The following EIF4A2 variants were observed in gnomAD, a reference collection of about 807,000 sequenced individuals.
The protein encoded by EIF4A2 is eukaryotic translation initiation factor 4A2, also known as eukaryotic initiation factor 4A-II.
A neutral mutation model predicts 50.6 loss-of-function variants in EIF4A2; 9 were observed. The observed-to-expected ratio is 0.18, with a 90% CI of 0.11 to 0.31. The LOEUF (loss-of-function observed/expected upper bound fraction) is 0.31, where lower values mean the gene tolerates loss of function less well. Ranked by LOEUF, EIF4A2 falls within the 10% of genes least tolerant of loss-of-function variation. The probability of loss-of-function intolerance (pLI) is 1.00; values close to 1 mark genes in which losing one functional copy is unlikely to be tolerated. For synonymous variants in EIF4A2, 215 were observed against 164.4 expected (o/e 1.31, Z -2.35); for missense variants, 182 against 501.8 (o/e 0.36, Z 6.09).
intron 1 of EIF4A2, 129 bp downstream of exon 1, chr3:186,783,768 C>T: frequency 1.4e-6 from 2 of 1,459,180 alleles, no homozygotes; most frequent in South Asian, 1.2e-5. Flanking sequence ...CACTCCTGTG[C>T]CCTTCCAGAA....
chr3:186,783,793 T>C, intron 1 of EIF4A2, 154 bp downstream of exon 1: 1 of 1,241,158 alleles, frequency 8.1e-7, no homozygotes, highest in Non-Finnish European at 1.2e-6. Flanking sequence ...CCATGATGGG[T>C]AGGGCCCGGA....
chr3:186,783,982 C>T (rs965538238), intron 1 of EIF4A2: 4 of 421,542 alleles, frequency 9.5e-6, no homozygotes, highest in Non-Finnish European at 1.7e-5. Context: ...GCTTTATTTT[C>T]GGTCATCCAC....
chr3:186,784,403 G>C, intron 1 of EIF4A2, 29 bp from the exon 2 acceptor site: 1 of 1,614,230 alleles, frequency 6.2e-7, no homozygotes, highest in South Asian at 1.1e-5. Context: ...CCTGGAAGGG[G>C]TGTCTGACTG....
At chr3:186,786,111 A>T in intron 5 of EIF4A2, 53 bp from the exon 6 acceptor site, 1 of 1,601,534 alleles carries the variant, frequency 6.2e-7, no homozygotes, top group South Asian at 1.1e-5. Context: ...TGAAAAGTCA[A>T]ATTGTATCAC....
chr3:186,786,639 G>A lies in EIF4A2; in HGVS notation c.765G>A (p.Glu255=). Residue 255 remains glutamate, a synonymous_variant, in exon 7 of 11, where the codon GAG becomes GAA. Coordinates refer to ENST00000323963, the MANE Select transcript of EIF4A2 (RefSeq NM_001967.4). ...TCAAACAGTTTTATATTAATGTTGA[G>A]AGAGAGGTAACTGTCTGATTGTTAG... ...EGIKQFYINV[E]REEWKLDTLC... The A allele has an allele frequency of 6.2e-7, 1 of 1,613,962 alleles. No individual in the cohort carries two copies. Among genetic ancestry groups the A allele is most frequent in the Non-Finnish European group, 8.5e-7 (1 of 1,179,906 alleles).
At chr3:186,784,260 C>G (rs1307354505) in intron 1 of EIF4A2, 172 bp from the exon 2 acceptor site, 1 of 931,338 alleles carries the variant, frequency 1.1e-6, no homozygotes, top group East Asian at 2.6e-5. Flanking sequence ...CGGGCATCCG[C>G]AGGCCCCAAC....
rs1721780557 is a variant in EIF4A2 at position 186,787,171 on chromosome 3, C to G, written c.816C>G (p.Thr272=). ...DTLCDLYETL[T]ITQAVIFLNT... is the part of the protein sequence containing the mutation. ...TTTGTGACTTGTACGAGACACTGAC[C>G]ATTACACAGGCTGTTATTTTTCTCA... Residue 272 remains threonine (T), a synonymous_variant, in exon 8 of 11, where the codon ACC becomes ACG. Coordinates refer to ENST00000323963, the MANE Select transcript of EIF4A2 (RefSeq NM_001967.4). 3 of 1,613,904 alleles carry G rather than the reference C, an allele frequency of 1.9e-6. No individual in the cohort carries two copies. The highest frequency in any genetic ancestry group is 2.7e-5 in the African/African-American group (2 of 74,898).
intron 1 of EIF4A2, chr3:186,784,043 C>T (rs1721533465): frequency 2.4e-6 from 1 of 417,326 alleles, no homozygotes; most frequent in South Asian, 2.9e-5. Context: ...TTGGAGGCAG[C>T]GGTCTCCACT....
intron 1 of EIF4A2, chr3:186,783,960 C>G (rs1008047400): frequency 2.6e-5 from 12 of 455,572 alleles, no homozygotes; most frequent in Admixed American, 1.1e-4. Flanking sequence ...TACACTGTAA[C>G]CAGGACCCGA....
intron 10 of EIF4A2, 120 bp from the exon 11 acceptor site, chr3:186,789,005 A>C: frequency 7.2e-7 from 1 of 1,380,896 alleles, no homozygotes; most frequent in Non-Finnish European, 9.7e-7. Context: ...TGCTCCAGTT[A>C]GAAGCACGAA....
rs1207509690 is a variant in EIF4A2 at position 186,789,884 on chromosome 3, A to ATATTC, written c.*616_*620dup. 2 of 830,492 alleles carry ATATTC rather than the reference A, an allele frequency of 2.4e-6. No individual in the cohort carries two copies. Among genetic ancestry groups the ATATTC allele is most frequent in the African/African-American group, 1.7e-5 (1 of 58,468 alleles). 51.4% of individuals were successfully genotyped at this position (830,492 alleles called of 1,614,324 possible). Reference sequence around the variant, plus strand: ...GAAGTTTGAATGTTAAATAAATTGTATATTCACTTTAAAGGTGCTTTTGGT... The same window carrying ATATTC: ...GAAGTTTGAATGTTAAATAAATTGTATATTCTATTCACTTTAAAGGTGCTTTTGGT... On this transcript the variant is annotated 3_prime_UTR_variant, in exon 11 of 11. Transcript: ENST00000323963.
Position 186,787,480 on chromosome 3 carries a change from T to C in EIF4A2, c.910-15T>C, listed in dbSNP as rs1721808567. 6.2e-7 allele frequency: 1 copy of C among 1,611,808 alleles called. No individual in the cohort carries two copies. The highest frequency in any genetic ancestry group is 8.5e-7 in the Non-Finnish European group (1 of 1,178,642). On this transcript the variant is annotated splice_polypyrimidine_tract_variant and intron_variant, in intron 8 of 10. Coordinates refer to ENST00000323963, the MANE Select transcript of EIF4A2 (RefSeq NM_001967.4). The stretch of plus-strand genomic sequence containing the variant: ...CTGACTGGTGATTCTTGAATTAAGG[T>C]TTATTAATTTGCAGCATGGTGACAT...
chr3:186,783,797 G>A, intron 1 of EIF4A2, 158 bp downstream of exon 1: 1 of 1,208,280 alleles, frequency 8.3e-7, no homozygotes, highest in Non-Finnish European at 1.2e-6. Context: ...GATGGGTAGG[G>A]CCCGGATTGT....
chr3:186,784,145 G>A (rs1428254271), intron 1 of EIF4A2: 7 of 530,254 alleles, frequency 1.3e-5, no homozygotes, highest in African/African-American at 1.9e-5. Context: ...TCAATCACCC[G>A]GCTTGCGCAT....
intron 8 of EIF4A2, 24 bp from the exon 9 acceptor site, chr3:186,787,471 G>T (rs925984589): frequency 1.2e-6 from 2 of 1,611,630 alleles, no homozygotes; most frequent in African/African-American, 1.3e-5. Context: ...GGTGATTCTT[G>T]AATTAAGGTT....
chr3:186,783,956 G>A (rs1721524157), intron 1 of EIF4A2: 1 of 471,862 alleles, frequency 2.1e-6, no homozygotes, highest in Non-Finnish European at 3.8e-6. Context: ...TCGGTACACT[G>A]TAACCAGGAC....
chr3:186,786,713 T>C, intron 7 of EIF4A2, 68 bp downstream of exon 7: 2 of 1,598,186 alleles, frequency 1.3e-6, no homozygotes, highest in Non-Finnish European at 1.7e-6. Context: ...TTGCAGACAC[T>C]AGGACCATGT....
intron 10 of EIF4A2, chr3:186,788,683 A>T (rs901390853): frequency 4.3e-6 from 1 of 231,420 alleles, no homozygotes; most frequent in African/African-American, 2.3e-5. Flanking sequence ...GAAAAAAGTA[A>T]GTTTTAGAAA....
At chr3:186,784,362 G>A in intron 1 of EIF4A2, 70 bp from the exon 2 acceptor site, 4 of 1,611,670 alleles carry the variant, frequency 2.5e-6, no homozygotes, top group South Asian at 1.1e-5. Flanking sequence ...GGGTTGCAAA[G>A]GGCTATGCGC....
Sources: allele counts gnomAD v4.1 joint callset, GRCh38; gene constraint gnomAD v4.1.1; transcripts MANE v1.5; gene names NCBI Gene and HGNC (gene_info 2026-07-23, HGNC 2026-07-21).